The following PROP1 variants were observed in gnomAD, a reference collection of about 807,000 sequenced individuals.
PROP1 encodes the protein homeobox protein prophet of Pit-1.
In PROP1, 12 loss-of-function variants were observed where a neutral mutation model predicts 22.3. That is an observed-to-expected ratio of 0.54 (90% confidence interval 0.34 to 0.87). PROP1 has a LOEUF of 0.87. Among genes scored for constraint, PROP1 ranks in the 40% least tolerant of loss-of-function variants. PROP1 has a pLI of 0.01. For missense variants in PROP1, 278 were observed against 295.1 expected (o/e 0.94, Z 0.43); for synonymous variants, 112 against 116.7 (o/e 0.96, Z 0.26).
In PROP1 at chr5:177,995,840, G is replaced by C; in HGVS notation, c.94C>G (p.Pro32Ala). The C allele has an allele frequency of 6.2e-7, 1 of 1,613,788 alleles. No homozygotes were observed. The change falls in exon 1 of 3, where the codon CCG becomes GCG. Residue 32 changes from proline (P) to alanine (A), a missense_variant. Coordinates refer to ENST00000308304, the MANE Select transcript of PROP1 (RefSeq NM_006261.5). ...GGTCACTCACCCACCGTGGTGGTCGGGGTCCCAGTGGCCGGGTGTCTCTCA... is the reference window on the plus strand; with the variant it reads ...GGTCACTCACCCACCGTGGTGGTCGCGGTCCCAGTGGCCGGGTGTCTCTCA... ...LPERHPATGTPTTTVDSSAPP... is the reference protein window; with the variant it reads ...LPERHPATGTATTTVDSSAPP...
chr5:177,993,982 T>C, intron 2 of PROP1, 124 bp downstream of exon 2: 1 of 976,000 alleles, frequency 1.0e-6, no homozygotes, highest in Non-Finnish European at 1.6e-6. Flanking sequence ...GCTCTGATGC[T>C]GGTGGTGAGA....
chr5:177,994,375 A>G, intron 1 of PROP1, 37 bp from the exon 2 acceptor site: 1 of 1,536,480 alleles, frequency 6.5e-7, no homozygotes, highest in East Asian at 2.4e-5. Flanking sequence ...GCTTCTGAGG[A>G]GGACGCTCCT....
At position 177,992,976 on chromosome 5, in the gene PROP1, C is replaced by T. The variant is rs1275347516; in HGVS notation, c.414G>A (p.Leu138=). 8 of 1,613,990 alleles carry T rather than the reference C, an allele frequency of 5.0e-6. No homozygotes were observed. The highest frequency in any genetic ancestry group is 5.9e-6 in the Non-Finnish European group (7 of 1,180,004). Reference sequence around the variant, plus strand: ...AGAAGCTGGAAAAGGCGGCAGGAGACAGATGGGCCAGAGGCTGAAGCAGTG... The same window carrying T: ...AGAAGCTGGAAAAGGCGGCAGGAGATAGATGGGCCAGAGGCTGAAGCAGTG... ...ERSLLQPLAH[L]SPAAFSSFLP... The change falls in exon 3 of 3, where the codon CTG becomes CTA. Residue 138 remains leucine, a synonymous_variant. Coordinates refer to ENST00000308304, the MANE Select transcript of PROP1 (RefSeq NM_006261.5).
chr5:177,992,549 T>A lies in PROP1; in HGVS notation c.*160A>T. 2 of 624,628 alleles carry A rather than the reference T, an allele frequency of 3.2e-6. No individual in the cohort carries two copies. Among genetic ancestry groups the A allele is most frequent in the East Asian group, 2.7e-5 (1 of 36,404 alleles). 38.7% of individuals were successfully genotyped at this position (624,628 alleles called of 1,614,324 possible). Reference sequence around the variant, plus strand: ...AGACTTCCTCCACTAATCACCCCAGTGAGAATTCACCATGATCTCCCATTT... The same window carrying A: ...AGACTTCCTCCACTAATCACCCCAGAGAGAATTCACCATGATCTCCCATTT... On this transcript the variant is annotated 3_prime_UTR_variant, in exon 3 of 3. Coordinates refer to ENST00000308304, the MANE Select transcript of PROP1 (RefSeq NM_006261.5).
At chr5:177,995,713 G>T in intron 1 of PROP1, 112 bp downstream of exon 1, 1 of 841,166 alleles carries the variant, frequency 1.2e-6, no homozygotes, top group Non-Finnish European at 2.0e-6. Flanking sequence ...GTTTTAACAT[G>T]ATAGGATTCG....
In PROP1 at chr5:177,996,124, T is replaced by C. The variant is rs1412405360; in HGVS notation, c.-191A>G. ...TTCACTGTCTTTACTTTTTTTCTAA[T>C]TGTTTCCTAATTCCCCCTTCCTTGG... is the stretch of plus-strand genomic sequence containing the variant. On this transcript the variant is annotated 5_prime_UTR_variant, in exon 1 of 3. Coordinates refer to ENST00000308304, the MANE Select transcript of PROP1 (RefSeq NM_006261.5). The C allele has an allele frequency of 6.4e-6, 4 of 623,408 alleles. No individual in the cohort carries two copies. In the African/African-American group the frequency reaches 7.3e-5, roughly 11 times the overall value. The allele number at this position is 623,408 out of a possible 1,614,324, so 38.6% of individuals were successfully genotyped here. A position where few individuals can be genotyped will look rare whatever the true frequency, so the allele number is the denominator to read the frequency against.
rs182791732 is a variant in PROP1, at chr5:177,995,473, G to A, written c.109+352C>T. On this transcript the variant is annotated intron_variant, in intron 1 of 2. Transcript: ENST00000308304. ...CATGGGGGACACACACACGGAGCCC[G>A]CCCTCCCGCCCTGGACCCAAAGCCC... Among the ~76,000 whole-genome samples the A allele has an allele frequency of 3.0e-3, 262 of 87,088 alleles. 1 individual carries two copies. Among genetic ancestry groups the A allele is most frequent in the African/African-American group, 0.01 (235 of 23,016 alleles). 57.1% of individuals were successfully genotyped at this position (87,088 alleles called of 152,430 possible). A position where few individuals can be genotyped will look rare whatever the true frequency, so the allele number is the denominator to read the frequency against.
At chr5:177,993,146 C>G (rs1772696716) in intron 2 of PROP1, 99 bp from the exon 3 acceptor site, 6 of 1,024,060 alleles carry the variant, frequency 5.9e-6, no homozygotes, top group Non-Finnish European at 5.9e-6. Context: ...GCAGGCTTCT[C>G]CAGCATGGCC....
chr5:177,994,594 T>C (rs1401907803), intron 1 of PROP1, among the ~76,000 whole-genome samples: 1 of 151,984 alleles, frequency 6.6e-6, no homozygotes, highest in Non-Finnish European at 1.5e-5. Flanking sequence ...CACACCAACA[T>C]ACCCAGCTAA....
At chr5:177,993,581 G>T (rs1391026570) in intron 2 of PROP1, among the ~76,000 whole-genome samples, 1 of 145,258 alleles carries the variant, frequency 6.9e-6, no homozygotes, top group South Asian at 2.2e-4. Context: ...TTTTTTTTGA[G>T]ACAAAGTTTT....
chr5:177,995,059 C>G (rs973957876), intron 1 of PROP1, among the ~76,000 whole-genome samples: 10 of 152,164 alleles, frequency 6.6e-5, no homozygotes, highest in Admixed American at 6.5e-4. Context: ...CTACGGAAGA[C>G]CCTAGTGCTT....
At position 177,992,764 on chromosome 5, in the gene PROP1, G is replaced by T. The variant is rs753601617; in HGVS notation, c.626C>A (p.Pro209His). The T allele has an allele frequency of 3.1e-6, 5 of 1,589,744 alleles. No individual in the cohort carries two copies. The South Asian group carries it at 5.7e-5, about 18-fold the overall frequency. The part of the protein sequence containing the change: ...HPAPAGHLPC[P>H]PPPPMLPLSL... ...GAGGGGGAGCATGGGAGGGGGTGGG[G>T]GGCAGGGCAGATGGCCGGCAGGGGC... The change falls in exon 3 of 3, where the codon CCC becomes CAC. Residue 209 changes from proline to histidine, a missense_variant. Physicochemically the swap from Pro to His is moderately conservative, Grantham distance 77. Transcript: ENST00000308304.
At chr5:177,993,092 G>A (rs770636333) in intron 2 of PROP1, 45 bp from the exon 3 acceptor site, 24 of 1,525,870 alleles carry the variant, frequency 1.6e-5, no homozygotes, top group South Asian at 1.2e-4. Context: ...CTTGACATAG[G>A]TGGTGACACC....
intron 1 of PROP1, among the ~76,000 whole-genome samples, chr5:177,994,678 A>G (rs1755713744): frequency 6.6e-6 from 1 of 152,094 alleles, no homozygotes; most frequent in South Asian, 2.1e-4. Context: ...GGCCTCAAGC[A>G]GTCCTCCCAT....
Position 177,995,809 on chromosome 5 carries a change from C to T in PROP1, c.109+16G>A, listed in dbSNP as rs186689085. On this transcript the variant is annotated intron_variant, in intron 1 of 2. Coordinates refer to ENST00000308304, the MANE Select transcript of PROP1 (RefSeq NM_006261.5). Reference sequence around the variant, plus strand: ...TGCCTCCTCAGGGACCCACGCACACCGGGACGGTCACTCACCCACCGTGGT... The same window carrying T: ...TGCCTCCTCAGGGACCCACGCACACTGGGACGGTCACTCACCCACCGTGGT... 1.1e-4 allele frequency: 178 copies of T among 1,604,232 alleles called. 1 individual carries two copies. The East Asian group carries it at 3.4e-3, about 30-fold the overall frequency.
At position 177,995,843 on chromosome 5, in the gene PROP1, T is replaced by C; in HGVS notation, c.91A>G (p.Thr31Ala). The change falls in exon 1 of 3, where the codon ACC (threonine) becomes GCC (alanine). Residue 31 changes from threonine (T) to alanine (A), a missense_variant. By Grantham distance (58) the Thr-to-Ala change is moderately conservative. Transcript: ENST00000308304. ...LLPERHPATGTPTTTVDSSAP... is the reference protein window; with the variant it reads ...LLPERHPATGAPTTTVDSSAP... ...CACTCACCCACCGTGGTGGTCGGGGTCCCAGTGGCCGGGTGTCTCTCAGGC... is the reference window on the plus strand; with the variant it reads ...CACTCACCCACCGTGGTGGTCGGGGCCCCAGTGGCCGGGTGTCTCTCAGGC... 1 of 1,613,740 alleles carries C rather than the reference T, an allele frequency of 6.2e-7. No individual in the cohort carries two copies. The highest frequency in any genetic ancestry group is 8.5e-7 in the Non-Finnish European group (1 of 1,179,984).
chr5:177,995,053 G>A (rs1320159439), intron 1 of PROP1, among the ~76,000 whole-genome samples: 2 of 152,078 alleles, frequency 1.3e-5, no homozygotes, highest in Non-Finnish European at 2.9e-5. Context: ...AGCTGTCTAC[G>A]GAAGACCCTA....
At position 177,993,479 on chromosome 5, in the gene PROP1, A is replaced by T. The variant is rs1210989738; in HGVS notation, c.343-432T>A. Among the ~76,000 whole-genome samples the T allele has an allele frequency of 2.0e-5, 3 of 152,220 alleles. 1 individual carries two copies. The highest frequency in any genetic ancestry group is 2.0e-4 in the Admixed American group (3 of 15,282). ...TTAGGATTGAGGGAGCATTTGGCTCATTGAGTTTCAAGGCTATGGTTAGGG... is the reference window on the plus strand; with the variant it reads ...TTAGGATTGAGGGAGCATTTGGCTCTTTGAGTTTCAAGGCTATGGTTAGGG... On this transcript the variant is annotated intron_variant, in intron 2 of 2. Coordinates refer to ENST00000308304, the MANE Select transcript of PROP1 (RefSeq NM_006261.5).
rs1772661270 is a variant in PROP1 at position 177,992,574 on chromosome 5, T to C, written c.*135A>G. ...TGAGAATTCACCATGATCTCCCATT[T>C]TTAAATTTCTAATCGCTGAGCTGAC... On this transcript the variant is annotated 3_prime_UTR_variant, in exon 3 of 3. Transcript: ENST00000308304. 8.0e-5 allele frequency: 52 copies of C among 652,182 alleles called. 1 individual carries two copies. In the South Asian group the frequency reaches 9.3e-4, roughly 12 times the overall value. The allele number at this position is 652,182 out of a possible 1,614,324, so 40.4% of individuals were successfully genotyped here.
Sources: gnomAD v4.1 joint callset for allele counts (sites outside exome capture counted in the v4.1 genomes callset) on GRCh38, gnomAD v4.1.1 for gene constraint, MANE v1.5 for transcripts, NCBI Gene and HGNC (gene_info 2026-07-23, HGNC 2026-07-21) for gene names.